TACR3: variants seen among roughly 807,000 people sequenced by gnomAD.
TACR3 encodes the protein tachykinin receptor 3.
In TACR3, 34 loss-of-function variants were observed where a neutral mutation model predicts 35.0. That is an observed-to-expected ratio of 0.97 (90% CI 0.74 to 1.30). The LOEUF (loss-of-function observed/expected upper bound fraction) is 1.30. TACR3 is among the 50% of genes most tolerant of loss of function. TACR3 has a pLI of 0.00. For missense variants in TACR3, 558 were observed against 591.7 expected, an observed-to-expected ratio of 0.94 and a Z score of 0.59; for synonymous variants, 233 against 221.1, an observed-to-expected ratio of 1.05 and a Z score of -0.48.
At chr4:103,633,990 T>C (rs1422698888) in intron 3 of TACR3, among the ~76,000 whole-genome samples, 2 of 152,244 alleles carry the variant, frequency 1.3e-5, no homozygotes, top group East Asian at 3.9e-4. Context: ...GAAATTCATC[T>C]TCTGCTCACA....
intron 1 of TACR3, among the ~76,000 whole-genome samples, chr4:103,677,849 G>A (rs944622059): frequency 1.3e-5 from 2 of 151,536 alleles, no homozygotes; most frequent in Non-Finnish European, 2.9e-5. Context: ...TCCTGCACAT[G>A]TACCCTTGAT....
chr4:103,689,589 A>G (rs1722353224), intron 1 of TACR3, among the ~76,000 whole-genome samples: 1 of 152,144 alleles, frequency 6.6e-6, no homozygotes, highest in African/African-American at 2.4e-5. Context: ...AGCAGAAGAA[A>G]GCATCAAGGA....
chr4:103,628,663 C>T (rs1038863917), intron 3 of TACR3, among the ~76,000 whole-genome samples: 11 of 151,552 alleles, frequency 7.3e-5, no homozygotes, highest in Admixed American at 4.6e-4. Context: ...ATTAATAGCC[C>T]ACCAACCAAA....
chr4:103,699,570 G>A (rs1166637236), intron 1 of TACR3, among the ~76,000 whole-genome samples: 1 of 152,158 alleles, frequency 6.6e-6, no homozygotes, highest in African/African-American at 2.4e-5. Context: ...AGGAGTAAGG[G>A]TAAGAAAACC....
intron 3 of TACR3, chr4:103,593,352 C>G (rs889149949): frequency 6.6e-6 from 1 of 151,650 alleles, no homozygotes; most frequent in Non-Finnish European, 1.5e-5. Flanking sequence ...GGTTGAGGAC[C>G]AATTCCTCAT....
intron 1 of TACR3, among the ~76,000 whole-genome samples, chr4:103,702,866 A>G (rs182385972): frequency 5.4e-4 from 72 of 133,814 alleles, no homozygotes; most frequent in Non-Finnish European, 8.0e-4. Context: ...ACACATGGAC[A>G]CAGGAAGGGG....
At chr4:103,678,339 T>C (rs1177296559) in intron 1 of TACR3, among the ~76,000 whole-genome samples, 1 of 152,140 alleles carries the variant, frequency 6.6e-6, no homozygotes, top group Non-Finnish European at 1.5e-5. Context: ...CCAACAAGCA[T>C]GAGGATTTCC....
At chr4:103,698,158 A>G (rs1722566201) in intron 1 of TACR3, among the ~76,000 whole-genome samples, 2 of 152,190 alleles carry the variant, frequency 1.3e-5, no homozygotes, top group Admixed American at 1.3e-4. Flanking sequence ...CATAATTAGT[A>G]GTTAAAGAAA....
intron 3 of TACR3, among the ~76,000 whole-genome samples, chr4:103,602,155 C>T (rs1431242037): frequency 6.6e-6 from 1 of 152,164 alleles, no homozygotes. Flanking sequence ...ATCACTGATA[C>T]CCTTTCTTCC....
In TACR3 at chr4:103,586,258, A is replaced by G. The variant is rs977578410; in HGVS notation, c.*3424T>C. 5 of 151,886 alleles carry G rather than the reference A, an allele frequency of 3.3e-5. No individual in the cohort carries two copies. Among genetic ancestry groups the G allele is most frequent in the African/African-American group, 1.2e-4 (5 of 41,380 alleles). The allele number at this position is 151,886 out of a possible 1,614,324, so 9.4% of individuals were successfully genotyped here. On this transcript the variant is annotated 3_prime_UTR_variant, in exon 5 of 5. Coordinates refer to ENST00000304883, the MANE Select transcript of TACR3 (RefSeq NM_001059.3). Reference sequence around the variant, plus strand: ...GAAAACACAAAACTAATGACCTTGTACAGCCCTTCTGAACTTTATTCTCTA... The same window carrying G: ...GAAAACACAAAACTAATGACCTTGTGCAGCCCTTCTGAACTTTATTCTCTA...
intron 3 of TACR3, among the ~76,000 whole-genome samples, chr4:103,617,159 A>C (rs1476725534): frequency 1.3e-5 from 2 of 152,210 alleles, no homozygotes; most frequent in African/African-American, 4.8e-5. Flanking sequence ...ATCCATAGTC[A>C]AGAAACAAAA....
At chr4:103,700,613 A>G (rs945395746) in intron 1 of TACR3, among the ~76,000 whole-genome samples, 3 of 152,162 alleles carry the variant, frequency 2.0e-5, no homozygotes, top group African/African-American at 4.8e-5. Context: ...TGCTTACAAC[A>G]TATTATGATG....
intron 1 of TACR3, among the ~76,000 whole-genome samples, chr4:103,678,020 T>C (rs1726210063): frequency 6.6e-6 from 1 of 152,166 alleles, no homozygotes; most frequent in Non-Finnish European, 1.5e-5. Flanking sequence ...ACCTGTTTCA[T>C]CAAGGTAATG....
rs33988758 is a variant in TACR3 at position 103,627,181 on chromosome 4, C to CAAAAAAAA, written c.888+29005_888+29012dup. On this transcript the variant is annotated intron_variant, in intron 3 of 4. Transcript: ENST00000304883. ...CAAGTGACGGTGTGAGACTCCGTCTCAAAAAAAAAAAAAAAAAAAAAAAAA... is the reference window on the plus strand; with the variant it reads ...CAAGTGACGGTGTGAGACTCCGTCTCAAAAAAAAAAAAAAAAAAAAAAAAAAAAAAAAA... 4.9e-4 allele frequency among the ~76,000 whole-genome samples: 12 copies of CAAAAAAAA among 24,704 alleles called. 1 individual carries two copies. Among genetic ancestry groups the CAAAAAAAA allele is most frequent in the African/African-American group, 1.8e-3 (12 of 6,602 alleles). The allele number at this position is 24,704 out of a possible 152,430, so 16.2% of individuals were successfully genotyped here.
In TACR3 at chr4:103,603,904, C is replaced by T. The variant is rs139447656; in HGVS notation, c.889-12221G>A. Among the ~76,000 whole-genome samples, 851 of 152,154 alleles carry T rather than the reference C, an allele frequency of 5.6e-3. 12 individuals are homozygous for T. Among genetic ancestry groups the T allele is most frequent in the African/African-American group, 0.018 (755 of 41,512 alleles). Reference sequence around the variant, plus strand: ...TCAAGGAAATAAGAGAAGACACAAACGGAAAAACATTCCATGCTCATGGAT... The same window carrying T: ...TCAAGGAAATAAGAGAAGACACAAATGGAAAAACATTCCATGCTCATGGAT... On this transcript the variant is annotated intron_variant, in intron 3 of 4. Coordinates refer to ENST00000304883, the MANE Select transcript of TACR3 (RefSeq NM_001059.3).
intron 1 of TACR3, among the ~76,000 whole-genome samples, chr4:103,695,713 G>T (rs35518418): frequency 8.8e-6 from 1 of 113,362 alleles, no homozygotes; most frequent in Non-Finnish European, 1.7e-5. Flanking sequence ...CTCTCTCTCT[G>T]TGTGTGTGTG....
At chr4:103,630,868 GAC>G (rs140284723) in intron 3 of TACR3, among the ~76,000 whole-genome samples, 1 of 151,982 alleles carries the variant, frequency 6.6e-6, no homozygotes, top group African/African-American at 2.4e-5. Context: ...CTACTATAAA[GAC>G]ACACACACAC....
At chr4:103,599,440 C>T (rs960639483) in intron 3 of TACR3, among the ~76,000 whole-genome samples, 4 of 152,154 alleles carry the variant, frequency 2.6e-5, no homozygotes, top group Non-Finnish European at 5.9e-5. Context: ...ATTGAATACC[C>T]TTTATTCCCT....
At chr4:103,652,750 A>G (rs888819861) in intron 3 of TACR3, among the ~76,000 whole-genome samples, 1 of 151,956 alleles carries the variant, frequency 6.6e-6, no homozygotes, top group African/African-American at 2.4e-5. Flanking sequence ...GCACTCATGT[A>G]GCCAATACTT....
Sources: gnomAD v4.1 joint callset for allele counts (sites outside exome capture counted in the v4.1 genomes callset) on GRCh38, gnomAD v4.1.1 for gene constraint, MANE v1.5 for transcripts, NCBI Gene and HGNC (gene_info 2026-07-23, HGNC 2026-07-21) for gene names.